RALGAPA2: variants seen among roughly 807,000 people sequenced by gnomAD.
The protein encoded by RALGAPA2 is ral GTPase-activating protein subunit alpha-2.
In RALGAPA2, 139 loss-of-function variants were observed where a neutral mutation model predicts 230.4. The observed-to-expected ratio is 0.60, with a 90% confidence interval of 0.53 to 0.69. The LOEUF is 0.69. Among genes scored for constraint, RALGAPA2 ranks in the 30% least tolerant of loss-of-function variants. The probability of loss-of-function intolerance (pLI) is 0.00; values close to 1 mark genes in which losing one functional copy is unlikely to be tolerated. For synonymous variants in RALGAPA2, 847 were observed against 837.8 expected (o/e 1.01, Z -0.19); for missense variants, 2,163 against 2,276.0 (o/e 0.95, Z 1.01).
At chr20:20,431,728 A>G (rs1359172569) in intron 37 of RALGAPA2, among the ~76,000 whole-genome samples, 1 of 152,214 alleles carries the variant, frequency 6.6e-6, no homozygotes, top group Non-Finnish European at 1.5e-5. Flanking sequence ...TAAGTATGTG[A>G]AGTAATAGTT....
At chr20:20,556,063 T>C (rs2064073836) in intron 23 of RALGAPA2, among the ~76,000 whole-genome samples, 1 of 152,108 alleles carries the variant, frequency 6.6e-6, no homozygotes, top group Non-Finnish European at 1.5e-5. Context: ...CCAGAACTTG[T>C]TTGGTGGCAA....
chr20:20,496,382 CAAAGTGTGACTA>C (rs2062205138), intron 35 of RALGAPA2, among the ~76,000 whole-genome samples: 1 of 152,078 alleles, frequency 6.6e-6, no homozygotes, highest in Admixed American at 6.6e-5. Flanking sequence ...GACAAAGAAT[CAAAGTGTGACTA>C]AAAGAAACTA....
chr20:20,463,707 A>G (rs1362756430), intron 37 of RALGAPA2, among the ~76,000 whole-genome samples: 3 of 152,188 alleles, frequency 2.0e-5, no homozygotes, highest in South Asian at 4.1e-4. Flanking sequence ...CTCCCTTTGA[A>G]GCTCTGTCAT....
chr20:20,701,705 G>C (rs2069374139), intron 1 of RALGAPA2, among the ~76,000 whole-genome samples: 4 of 151,622 alleles, frequency 2.6e-5, no homozygotes, highest in African/African-American at 2.4e-5. Context: ...ACTCCAGCCT[G>C]GGCGACAGAG....
intron 4 of RALGAPA2, among the ~76,000 whole-genome samples, chr20:20,649,047 A>G (rs949491764): frequency 2.0e-5 from 3 of 152,206 alleles, no homozygotes; most frequent in African/African-American, 7.2e-5. Context: ...AGCACAGAGC[A>G]GTAACGGTAA....
At chr20:20,535,514 C>A (rs1448697034) in intron 26 of RALGAPA2, among the ~76,000 whole-genome samples, 1 of 152,124 alleles carries the variant, frequency 6.6e-6, no homozygotes, top group East Asian at 1.9e-4. Flanking sequence ...TGCTTTTTCT[C>A]ACACAAAATA....
chr20:20,641,954 C>T (rs374898254), intron 5 of RALGAPA2, among the ~76,000 whole-genome samples: 5 of 151,582 alleles, frequency 3.3e-5, no homozygotes, highest in Admixed American at 1.3e-4. Context: ...CAGTACTGCC[C>T]CATTAACGGG....
At chr20:20,532,312 C>T (rs2063386535) in intron 26 of RALGAPA2, among the ~76,000 whole-genome samples, 1 of 152,078 alleles carries the variant, frequency 6.6e-6, no homozygotes, top group South Asian at 2.1e-4. Context: ...TGTGCTAGGA[C>T]CAGATATTCT....
chr20:20,559,455 C>T (rs1027972467), intron 23 of RALGAPA2, among the ~76,000 whole-genome samples: 2 of 152,106 alleles, frequency 1.3e-5, no homozygotes, highest in Non-Finnish European at 2.9e-5. Context: ...AGCAAAGCAG[C>T]AATACCAACA....
chr20:20,577,393 G>C (rs762284262), intron 20 of RALGAPA2, among the ~76,000 whole-genome samples: 2 of 152,152 alleles, frequency 1.3e-5, no homozygotes, highest in African/African-American at 2.4e-5. Context: ...ATGGTGTCTT[G>C]GAAAGGCCTT....
At chr20:20,708,701 C>G (rs1010153189) in intron 1 of RALGAPA2, among the ~76,000 whole-genome samples, 1 of 152,150 alleles carries the variant, frequency 6.6e-6, no homozygotes, top group African/African-American at 2.4e-5. Flanking sequence ...TAAAGATGCC[C>G]CTATTTTTAT....
In RALGAPA2 at chr20:20,546,737, G is replaced by A. The variant is rs762230375; in HGVS notation, c.3252C>T (p.Ala1084=). 38 of 1,611,142 alleles carry A rather than the reference G, an allele frequency of 2.4e-5. No homozygotes were observed. Among genetic ancestry groups the A allele is most frequent in the Middle Eastern group, 3.3e-4 (2 of 6,040 alleles). ...FSMLVGDFIT[A]AARVLSTDIL... ...TGTCTGTGCTAAGGACCCTGGCAGC[G>A]GCCGTGATGAAGTCCCCCACCAGCA... The change falls in exon 24 of 40, where the codon GCC becomes GCT. Residue 1084 remains alanine, a synonymous_variant. Transcript: ENST00000202677.
In RALGAPA2 at chr20:20,503,331, T is replaced by C. The variant is rs761002718; in HGVS notation, c.5208+20A>G. The C allele has an allele frequency of 5.3e-6, 8 of 1,521,236 alleles. No homozygotes were observed. In the South Asian group the frequency reaches 8.6e-5, roughly 16 times the overall value. The allele number at this position is 1,521,236 out of a possible 1,614,324, so 94.2% of individuals were successfully genotyped here. ...TACAAACCAGGGCAGCTAAGAATGG[T>C]GCCCGAGGAGACCCCTTACCTTTTT... is the stretch of plus-strand genomic sequence containing the variant. On this transcript the variant is annotated intron_variant, in intron 35 of 39. Coordinates refer to ENST00000202677, the MANE Select transcript of RALGAPA2 (RefSeq NM_020343.4).
intron 23 of RALGAPA2, among the ~76,000 whole-genome samples, chr20:20,569,076 TTTC>T (rs2064541305): frequency 6.6e-6 from 1 of 152,234 alleles, no homozygotes; most frequent in Admixed American, 6.5e-5. Flanking sequence ...CCATAAATGC[TTTC>T]TTTTCTTTTT....
chr20:20,440,779 G>A (rs936745771), intron 37 of RALGAPA2, among the ~76,000 whole-genome samples: 5 of 152,196 alleles, frequency 3.3e-5, no homozygotes, highest in Admixed American at 1.3e-4. Flanking sequence ...CCAGGTGGTC[G>A]CGCTTCAATT....
intron 20 of RALGAPA2, among the ~76,000 whole-genome samples, chr20:20,579,087 T>C (rs1568603700): frequency 6.6e-6 from 1 of 152,172 alleles, no homozygotes; most frequent in Non-Finnish European, 1.5e-5. Flanking sequence ...GGAGCTGTAA[T>C]TCATATTCAC....
chr20:20,505,015 T>C (rs1035282058), intron 34 of RALGAPA2: 8 of 985,038 alleles, frequency 8.1e-6, no homozygotes, highest in Non-Finnish European at 1.2e-6. Flanking sequence ...TTGCAACTTT[T>C]GACTTCATCC....
chr20:20,396,559 CCCCCGGGGAGGGG>C (rs1213824999), intron 39 of RALGAPA2, 123 bp downstream of exon 39: 1 of 746,834 alleles, frequency 1.3e-6, no homozygotes. Context: ...GTGGGCAGGG[CCCCCGGGGAGGGG>C]AAGGCCCAGG....
intron 7 of RALGAPA2, among the ~76,000 whole-genome samples, chr20:20,638,173 A>G (rs907436581): frequency 2.6e-5 from 4 of 152,222 alleles, no homozygotes; most frequent in Admixed American, 2.6e-4. Context: ...GCCCCTCAGG[A>G]GCCAGGAGGA....
Sources: allele counts gnomAD v4.1 joint callset (sites outside exome capture counted in the v4.1 genomes callset), GRCh38; gene constraint gnomAD v4.1.1; transcripts MANE v1.5; gene names NCBI Gene and HGNC (gene_info 2026-07-23, HGNC 2026-07-21).